APELA: variants seen among roughly 807,000 people sequenced by gnomAD.
APELA encodes the protein protein Elabela.
At chr4:164,887,344 T>C (rs1378048307) in intron 2 of APELA, among the ~76,000 whole-genome samples, 1 of 152,122 alleles carries the variant, frequency 6.6e-6, no homozygotes, top group Admixed American at 6.5e-5. Flanking sequence ...ATATGTGCTG[T>C]GGGTCCCCTT....
intron 2 of APELA, among the ~76,000 whole-genome samples, chr4:164,888,222 C>G (rs1159061544): frequency 2.0e-5 from 3 of 152,184 alleles, no homozygotes; most frequent in Non-Finnish European, 2.9e-5. Flanking sequence ...TCAAATGAAT[C>G]AAGCCAGGGC....
At chr4:164,897,788 T>C (rs1731002832), downstream of APELA, among the ~76,000 whole-genome samples, 1 of 152,170 alleles carries the variant, frequency 6.6e-6, no homozygotes, top group Non-Finnish European at 1.5e-5. Flanking sequence ...CCAGAACAGG[T>C]CCTTGACATA....
chr4:164,884,793 A>T (rs1010330715), intron 2 of APELA, among the ~76,000 whole-genome samples: 4 of 152,230 alleles, frequency 2.6e-5, no homozygotes, highest in Non-Finnish European at 5.9e-5. Context: ...TTATTACTTT[A>T]AAATCAGTCC....
chr4:164,886,454 T>G (rs1013571403), intron 2 of APELA, among the ~76,000 whole-genome samples: 1 of 151,954 alleles, frequency 6.6e-6, no homozygotes, highest in Non-Finnish European at 1.5e-5. Flanking sequence ...GAGTTTGAGA[T>G]CAGCCTGGGC....
At chr4:164,892,787 T>C (rs1231050651) in intron 2 of APELA, among the ~76,000 whole-genome samples, 2 of 152,210 alleles carry the variant, frequency 1.3e-5, no homozygotes, top group African/African-American at 4.8e-5. Flanking sequence ...TTTTTCTTGC[T>C]ATATATCCAT....
At chr4:164,883,141 T>C (rs73871522) in intron 2 of APELA, among the ~76,000 whole-genome samples, 3,087 of 152,216 alleles carry the variant, frequency 0.02, 93 homozygotes, top group African/African-American at 0.07. Flanking sequence ...CCTAGCATCT[T>C]CATCCTTCTC....
At chr4:164,882,322 C>T (rs1260662211) in intron 2 of APELA, among the ~76,000 whole-genome samples, 2 of 151,814 alleles carry the variant, frequency 1.3e-5, no homozygotes, top group Non-Finnish European at 2.9e-5. Context: ...AGGTTGGTCT[C>T]GAACTCCCGA....
At position 164,879,685 on chromosome 4, in the gene APELA, T is replaced by TCCAC. The variant is rs1220599511; in HGVS notation, c.*1+679_*1+682dup. ...GTCTCGAACTCCTAGCCTCAAGTGATCCACCCGCCTTGGCCTTCCAAAGTG... is the reference window on the plus strand; with the variant it reads ...GTCTCGAACTCCTAGCCTCAAGTGATCCACCCACCCGCCTTGGCCTTCCAAAGTG... On this transcript the variant is annotated intron_variant, in intron 2 of 2. Coordinates refer to ENST00000507152, the MANE Select transcript of APELA (RefSeq NM_001297550.2). Among the ~76,000 whole-genome samples, 6 of 152,346 alleles carry TCCAC rather than the reference T, an allele frequency of 3.9e-5. No homozygotes were observed. In the East Asian group the frequency reaches 1.2e-3, roughly 29 times the overall value.
chr4:164,897,374 T>C lies in APELA; in HGVS notation c.*1960T>C, dbSNP rs1407235690. ...TTGTACTGAAAAAGAAAACACTTTA[T>C]AGTCAAGATACATCTCATTCAATAC... On this transcript the variant is annotated 3_prime_UTR_variant, in exon 3 of 3. Transcript: ENST00000507152. The C allele has an allele frequency of 6.6e-6, 1 of 152,240 alleles. No individual in the cohort carries two copies. Among genetic ancestry groups the C allele is most frequent in the Admixed American group, 6.5e-5 (1 of 15,280 alleles). 9.4% of individuals were successfully genotyped at this position (152,240 alleles called of 1,614,324 possible). A position where few individuals can be genotyped will look rare whatever the true frequency, so the allele number is the denominator to read the frequency against.
chr4:164,883,661 A>AT (rs1294940197), intron 2 of APELA, among the ~76,000 whole-genome samples: 2 of 151,460 alleles, frequency 1.3e-5, no homozygotes, highest in Non-Finnish European at 2.9e-5. Flanking sequence ...TAATTTTAAG[A>AT]TTTTTTGTAG....
chr4:164,886,802 T>C (rs1356602443), intron 2 of APELA, among the ~76,000 whole-genome samples: 1 of 151,940 alleles, frequency 6.6e-6, no homozygotes, highest in African/African-American at 2.4e-5. Flanking sequence ...TTCTAGAGTT[T>C]CAAAGTTTTC....
At chr4:164,881,116 A>G (rs922108586) in intron 2 of APELA, among the ~76,000 whole-genome samples, 1 of 152,234 alleles carries the variant, frequency 6.6e-6, no homozygotes, top group Non-Finnish European at 1.5e-5. Flanking sequence ...ATCTGATAAC[A>G]TAATTCTCAC....
intron 1 of APELA, 111 bp from the exon 2 acceptor site, chr4:164,878,809 T>C (rs775510997): frequency 6.5e-5 from 26 of 397,092 alleles, no homozygotes; most frequent in Non-Finnish European, 1.1e-4. Context: ...TTTGAACAAA[T>C]GGCAAATAAC....
At chr4:164,882,669 A>G (rs892250779) in intron 2 of APELA, among the ~76,000 whole-genome samples, 1 of 152,130 alleles carries the variant, frequency 6.6e-6, no homozygotes, top group Admixed American at 6.6e-5. Context: ...ATATGTATAC[A>G]TGTGCTATGT....
intron 2 of APELA, among the ~76,000 whole-genome samples, chr4:164,885,068 G>A (rs1015059087): frequency 1.4e-4 from 22 of 151,946 alleles, no homozygotes; most frequent in African/African-American, 4.8e-4. Context: ...GCCGAGGGTA[G>A]GTTTTATTTA....
At chr4:164,882,691 A>AC (rs1374254554) in intron 2 of APELA, among the ~76,000 whole-genome samples, 17 of 152,022 alleles carry the variant, frequency 1.1e-4, no homozygotes, top group Admixed American at 6.6e-5. Context: ...AGTGTGCTGC[A>AC]CCCATTAACT....
chr4:164,880,917 T>C lies in APELA; in HGVS notation c.*1+1908T>C, dbSNP rs149255545. On this transcript the variant is annotated intron_variant, in intron 2 of 2. Coordinates refer to ENST00000507152, the MANE Select transcript of APELA (RefSeq NM_001297550.2). ...TTTACAAAAGTTGGCTGAGAGCTTA[T>C]AAAACTGCTTGGGTGACAGCATCCA... Among the ~76,000 whole-genome samples the C allele has an allele frequency of 8.0e-3, 1,221 of 152,312 alleles. 15 individuals carry two copies. The highest frequency in any genetic ancestry group is 0.027 in the African/African-American group (1,125 of 41,572).
At chr4:164,882,563 A>C (rs2111052653) in intron 2 of APELA, among the ~76,000 whole-genome samples, 1 of 152,006 alleles carries the variant, frequency 6.6e-6, no homozygotes, top group Non-Finnish European at 1.5e-5. Context: ...TTTTTGGAAA[A>C]AGTGTCTTTT....
intron 2 of APELA, among the ~76,000 whole-genome samples, chr4:164,887,119 C>A (rs564018826): frequency 1.3e-5 from 2 of 152,242 alleles, no homozygotes; most frequent in South Asian, 2.1e-4. Flanking sequence ...TGAGCCACTG[C>A]GCCCGGCCAG....
Sources: allele counts gnomAD v4.1 joint callset (sites outside exome capture counted in the v4.1 genomes callset), GRCh38; gene constraint gnomAD v4.1.1; transcripts MANE v1.5; gene names NCBI Gene and HGNC (gene_info 2026-07-23, HGNC 2026-07-21).